TTC39B: variants seen among roughly 807,000 people sequenced by gnomAD.
TTC39B encodes tetratricopeptide repeat domain 39B, also known as tetratricopeptide repeat protein 39B.
In TTC39B, 92 loss-of-function variants were observed where a neutral mutation model predicts 96.6. The ratio of observed to expected loss-of-function variants is 0.95; its 90% CI spans 0.80 to 1.13. The LOEUF (loss-of-function observed/expected upper bound fraction) is 1.13. Among genes scored for constraint, TTC39B ranks in the 50% most tolerant of loss-of-function variants. The pLI is 0.00. For synonymous variants in TTC39B, 367 were observed against 299.4 expected (o/e 1.23, Z -2.33); for missense variants, 955 against 809.3 (o/e 1.18, Z -2.18).
intron 1 of TTC39B, among the ~76,000 whole-genome samples, chr9:15,304,377 C>A (rs1349633807): frequency 1.3e-5 from 2 of 152,164 alleles, no homozygotes; most frequent in African/African-American, 4.8e-5. Flanking sequence ...CTTTAAATGG[C>A]CACACACCAT....
chr9:15,179,796 A>G (rs1462975204), intron 17 of TTC39B, among the ~76,000 whole-genome samples: 1 of 152,226 alleles, frequency 6.6e-6, no homozygotes, highest in African/African-American at 2.4e-5. Context: ...GAACAGACGT[A>G]ACATCATGGG....
At chr9:15,267,946 G>A (rs778820150) in exon 2 of TTC39B, 36 of 1,609,894 alleles carry the variant, frequency 2.2e-5, no homozygotes, top group Non-Finnish European at 2.6e-5. Flanking sequence ...CTTCGAAAAC[G>A]TCCTGGGGGA....
intron 1 of TTC39B, among the ~76,000 whole-genome samples, chr9:15,301,115 C>G (rs1824571701): frequency 6.6e-6 from 1 of 152,150 alleles, no homozygotes; most frequent in African/African-American, 2.4e-5. Flanking sequence ...CCAACACAAT[C>G]CCACTTGCCC....
intron 8 of TTC39B, among the ~76,000 whole-genome samples, chr9:15,197,887 A>G (rs533161319): frequency 4.8e-4 from 73 of 152,320 alleles, no homozygotes; most frequent in African/African-American, 1.5e-3. Flanking sequence ...TACTATAGTT[A>G]GCAAAAATAA....
At chr9:15,230,029 C>CT (rs1209506666) in intron 2 of TTC39B, among the ~76,000 whole-genome samples, 2 of 152,192 alleles carry the variant, frequency 1.3e-5, no homozygotes, top group Non-Finnish European at 2.9e-5. Context: ...CAGGTCTTCT[C>CT]TTATTTCCTT....
intron 2 of TTC39B, among the ~76,000 whole-genome samples, chr9:15,231,231 T>C (rs1218856192): frequency 6.6e-6 from 1 of 152,164 alleles, no homozygotes; most frequent in Non-Finnish European, 1.5e-5. Flanking sequence ...CAGGCTGGTC[T>C]TGAACTCCTA....
intron 8 of TTC39B, among the ~76,000 whole-genome samples, chr9:15,196,670 C>T (rs530584837): frequency 2.0e-5 from 3 of 152,224 alleles, no homozygotes; most frequent in South Asian, 2.1e-4. Flanking sequence ...AATCTATTCC[C>T]GGTAAAGATG....
At chr9:15,265,660 A>T (rs1823103852) in intron 2 of TTC39B, among the ~76,000 whole-genome samples, 1 of 152,212 alleles carries the variant, frequency 6.6e-6, no homozygotes, top group Admixed American at 6.5e-5. Context: ...GAGGGGAAAA[A>T]GGGCAACTTC....
chr9:15,206,898 C>T (rs545565383), intron 6 of TTC39B, among the ~76,000 whole-genome samples: 28 of 151,952 alleles, frequency 1.8e-4, no homozygotes, highest in African/African-American at 6.8e-4. Context: ...CCATAATCCC[C>T]TTGTATCAAG....
intron 3 of TTC39B, 109 bp from the exon 4 acceptor site, chr9:15,214,358 G>C (rs1264825782): frequency 6.8e-6 from 5 of 730,584 alleles, no homozygotes; most frequent in African/African-American, 1.8e-5. Flanking sequence ...CTGTGTGTGT[G>C]TGTCTGTGTG....
chr9:15,260,301 G>A (rs1822899270), intron 2 of TTC39B, among the ~76,000 whole-genome samples: 2 of 147,498 alleles, frequency 1.4e-5, no homozygotes, highest in African/African-American at 2.5e-5. Context: ...CCTTCCTTAG[G>A]AATATATAAG....
At chr9:15,288,246 C>G (rs1391556436) in intron 1 of TTC39B, among the ~76,000 whole-genome samples, 3 of 152,098 alleles carry the variant, frequency 2.0e-5, no homozygotes, top group African/African-American at 7.2e-5. Context: ...AGCAAAGGCC[C>G]CATTCTCAGG....
At chr9:15,209,983 A>G in intron 6 of TTC39B, 105 bp downstream of exon 6, 4 of 831,524 alleles carry the variant, frequency 4.8e-6, no homozygotes, top group South Asian at 4.7e-5. Flanking sequence ...TAGGGAAGAG[A>G]AAAAGACATT....
intron 1 of TTC39B, among the ~76,000 whole-genome samples, chr9:15,271,281 T>C (rs530357996): frequency 5.3e-4 from 80 of 152,142 alleles, no homozygotes; most frequent in African/African-American, 1.9e-3. Context: ...CTGATTGGAG[T>C]CCGCACACTG....
chr9:15,284,720 G>T (rs1180511669), intron 1 of TTC39B, among the ~76,000 whole-genome samples: 1 of 152,022 alleles, frequency 6.6e-6, no homozygotes, highest in African/African-American at 2.4e-5. Flanking sequence ...TACTTAAGCT[G>T]GTCTCTTCTG....
At chr9:15,184,403 G>A (rs1304025856) in intron 16 of TTC39B, among the ~76,000 whole-genome samples, 6 of 138,720 alleles carry the variant, frequency 4.3e-5, no homozygotes, top group African/African-American at 8.1e-5. Flanking sequence ...GAGGAATGAT[G>A]AAATAAACTC....
At chr9:15,284,169 T>G (rs1285104056) in intron 1 of TTC39B, among the ~76,000 whole-genome samples, 1 of 152,198 alleles carries the variant, frequency 6.6e-6, no homozygotes, top group African/African-American at 2.4e-5. Flanking sequence ...AGAAATCCAC[T>G]AGCCAATAAA....
intron 2 of TTC39B, among the ~76,000 whole-genome samples, chr9:15,264,925 G>C (rs1421393721): frequency 3.9e-5 from 6 of 151,956 alleles, no homozygotes; most frequent in African/African-American, 1.2e-4. Context: ...CATCTAACTC[G>C]GTTGAACAAA....
At position 15,271,977 on chromosome 9, in the gene TTC39B, T is replaced by C. The variant is rs942743742; in HGVS notation, c.241-4029A>G. Among the ~76,000 whole-genome samples, 5 of 152,322 alleles carry C rather than the reference T, an allele frequency of 3.3e-5. No homozygotes were observed. In the East Asian group the frequency reaches 9.7e-4, roughly 29 times the overall value. Reference sequence around the variant, plus strand: ...CCAGCAAATACAGTTTCCTGCATCCTTGGGAAAAGTGATGTGGGGTCCACG... The same window carrying C: ...CCAGCAAATACAGTTTCCTGCATCCCTGGGAAAAGTGATGTGGGGTCCACG... On this transcript the variant is annotated intron_variant, in intron 1 of 19. Coordinates refer to ENST00000512701, the Ensembl canonical transcript of TTC39B.
Sources: gnomAD v4.1 joint callset for allele counts (sites outside exome capture counted in the v4.1 genomes callset) on GRCh38, gnomAD v4.1.1 for gene constraint, MANE v1.5 for transcripts, NCBI Gene and HGNC (gene_info 2026-07-23, HGNC 2026-07-21) for gene names.